The following KYNU variants were observed in gnomAD, a reference collection of about 807,000 sequenced individuals.
KYNU encodes the protein L-kynurenine hydrolase.
Under a neutral mutation model 59.2 loss-of-function variants are expected in KYNU, and 54 were observed. The observed-to-expected ratio is 0.91, with a 90% CI of 0.73 to 1.14. The LOEUF (loss-of-function observed/expected upper bound fraction) is 1.14. Ranked by LOEUF, KYNU falls within the 50% of genes most tolerant of loss-of-function variation. KYNU has a pLI of 0.00. For missense variants in KYNU, 567 were observed against 554.4 expected, an observed-to-expected ratio of 1.02 and a Z score of -0.23; for synonymous variants, 177 against 192.0, an observed-to-expected ratio of 0.92 and a Z score of 0.65.
At chr2:142,895,538 T>C (rs540813462) in intron 2 of KYNU, among the ~76,000 whole-genome samples, 13 of 152,326 alleles carry the variant, frequency 8.5e-5, no homozygotes, top group Non-Finnish European at 1.5e-4. Context: ...TAAAGGCCAT[T>C]TGAGCTGTGT....
intron 12 of KYNU, 40 bp downstream of exon 12, chr2:143,033,361 T>C (rs1686812197): frequency 4.3e-6 from 6 of 1,396,372 alleles, no homozygotes; most frequent in Middle Eastern, 3.5e-4. Flanking sequence ...ATCTTTGCGT[T>C]TTTTCTTGAT....
intron 4 of KYNU, among the ~76,000 whole-genome samples, chr2:142,946,204 C>T (rs538071562): frequency 2.6e-5 from 4 of 151,780 alleles, no homozygotes; most frequent in African/African-American, 9.7e-5. Context: ...GCCTCAGCTT[C>T]CCCCGAGTAC....
At chr2:142,898,846 C>T (rs187055771) in intron 2 of KYNU, among the ~76,000 whole-genome samples, 9 of 152,236 alleles carry the variant, frequency 5.9e-5, no homozygotes. Context: ...AGCTGTGGGT[C>T]ACGGAAGAAA....
At chr2:142,910,492 G>C (rs1461601128) in intron 2 of KYNU, among the ~76,000 whole-genome samples, 2 of 152,102 alleles carry the variant, frequency 1.3e-5, no homozygotes, top group Non-Finnish European at 2.9e-5. Flanking sequence ...GCAAGGAATA[G>C]TTTGTGAATA....
intron 4 of KYNU, among the ~76,000 whole-genome samples, chr2:142,935,999 A>T (rs1389984790): frequency 6.6e-6 from 1 of 152,138 alleles, no homozygotes; most frequent in East Asian, 1.9e-4. Flanking sequence ...TGAGAAGATG[A>T]TGACTGAGAA....
In KYNU at chr2:143,042,211, A is replaced by T; in HGVS notation, c.*39A>T. The T allele has an allele frequency of 6.3e-7, 1 of 1,594,248 alleles. No individual in the cohort carries two copies. The highest frequency in any genetic ancestry group is 8.6e-7 in the Non-Finnish European group (1 of 1,168,494). On this transcript the variant is annotated 3_prime_UTR_variant, in exon 14 of 14. Coordinates refer to ENST00000264170, the MANE Select transcript of KYNU (RefSeq NM_003937.3). The stretch of plus-strand genomic sequence containing the variant: ...AACAACTTAAGCAAATTATACTGAA[A>T]GCTGCTGTGGTTATTTCAGTATTAT...
At chr2:143,041,266 T>G (rs983039930) in intron 13 of KYNU, among the ~76,000 whole-genome samples, 1 of 152,052 alleles carries the variant, frequency 6.6e-6, no homozygotes, top group African/African-American at 2.4e-5. Context: ...CTTCCAATGA[T>G]TATGTAATTA....
intron 10 of KYNU, among the ~76,000 whole-genome samples, chr2:142,996,829 C>T (rs1355565722): frequency 1.3e-5 from 2 of 152,086 alleles, no homozygotes; most frequent in Non-Finnish European, 1.5e-5. Flanking sequence ...CTTGGTTTGC[C>T]TGTGGAAAAA....
At chr2:142,922,428 C>T (rs1457033529) in intron 3 of KYNU, among the ~76,000 whole-genome samples, 1 of 152,028 alleles carries the variant, frequency 6.6e-6, no homozygotes, top group Admixed American at 6.6e-5. Flanking sequence ...TCGCTTGAGC[C>T]TGGAATGTGG....
intron 8 of KYNU, among the ~76,000 whole-genome samples, chr2:142,979,050 C>A (rs1684976230): frequency 6.6e-6 from 1 of 151,890 alleles, no homozygotes; most frequent in Non-Finnish European, 1.5e-5. Flanking sequence ...TAGCTTTTCT[C>A]CTGGAAATTT....
chr2:142,960,688 C>T lies in KYNU; in HGVS notation c.647C>T (p.Ala216Val). 6.2e-7 allele frequency: 1 copy of T among 1,613,518 alleles called. No individual in the cohort carries two copies. The highest frequency in any genetic ancestry group is 2.2e-5 in the East Asian group (1 of 44,852). ...EVIEKEGDSI[A>V]VILFSGVHFY... ...ATTGAGAAGGAAGGAGACTCAATTGCAGTGATCCTGTTCAGTGGGGTGCAT... is the reference window on the plus strand; with the variant it reads ...ATTGAGAAGGAAGGAGACTCAATTGTAGTGATCCTGTTCAGTGGGGTGCAT... Residue 216 changes from alanine (A) to valine (V), a missense_variant, in exon 8 of 14, where the codon GCA becomes GTA. Coordinates refer to ENST00000264170, the MANE Select transcript of KYNU (RefSeq NM_003937.3).
intron 4 of KYNU, chr2:142,947,033 G>A: frequency 1.3e-6 from 2 of 1,546,718 alleles, no homozygotes; most frequent in Non-Finnish European, 1.7e-6. Context: ...TTTGTGGGCT[G>A]ATTCTCACCT....
chr2:142,913,438 A>G (rs1245269563), intron 2 of KYNU, among the ~76,000 whole-genome samples: 1 of 151,902 alleles, frequency 6.6e-6, no homozygotes, highest in African/African-American at 2.4e-5. Flanking sequence ...ATCTGCCTTA[A>G]TTTTATTGTT....
At position 143,054,628 on chromosome 2, in the gene KYNU, A is replaced by G. The variant is rs1016445169; in HGVS notation, c.*12456A>G. The stretch of plus-strand genomic sequence containing the variant: ...GACTGCACCACTCTGCAGTACAGTC[A>G]GGAAATAAGAAACCAAGTCCAATCA... On this transcript the variant is annotated 3_prime_UTR_variant, in exon 14 of 14. Transcript: ENST00000264170. The G allele has an allele frequency of 6.6e-6, 1 of 152,230 alleles. No individual in the cohort carries two copies. The highest frequency in any genetic ancestry group is 1.5e-5 in the Non-Finnish European group (1 of 68,032). 9.4% of individuals were successfully genotyped at this position (152,230 alleles called of 1,614,324 possible).
At chr2:143,008,143 G>T (rs1437933651) in intron 10 of KYNU, among the ~76,000 whole-genome samples, 1 of 111,400 alleles carries the variant, frequency 9.0e-6, no homozygotes, top group South Asian at 3.2e-4. Flanking sequence ...ACCCATCAGT[G>T]TGCTGTATTC....
chr2:143,034,935 T>C (rs948983832), intron 12 of KYNU, among the ~76,000 whole-genome samples: 17 of 152,196 alleles, frequency 1.1e-4, no homozygotes, highest in African/African-American at 4.1e-4. Context: ...AATTTCCTTT[T>C]AGACGCCTTC....
At chr2:142,934,209 T>G (rs1370081788) in intron 4 of KYNU, among the ~76,000 whole-genome samples, 2 of 152,156 alleles carry the variant, frequency 1.3e-5, no homozygotes, top group East Asian at 3.8e-4. Flanking sequence ...GGAGATGGGA[T>G]ACTGCTTCTG....
intron 10 of KYNU, among the ~76,000 whole-genome samples, chr2:142,991,371 CA>C (rs1685393294): frequency 6.6e-6 from 1 of 151,900 alleles, no homozygotes; most frequent in African/African-American, 2.4e-5. Context: ...GTCGCAGTAG[CA>C]AGATGTGTGA....
intron 2 of KYNU, among the ~76,000 whole-genome samples, chr2:142,903,593 G>A (rs1682183215): frequency 6.6e-6 from 1 of 151,818 alleles, no homozygotes; most frequent in African/African-American, 2.4e-5. Context: ...AGAAGGCCAC[G>A]CCAGTGTCCA....
Sources: gnomAD v4.1 joint callset for allele counts (sites outside exome capture counted in the v4.1 genomes callset) on GRCh38, gnomAD v4.1.1 for gene constraint, MANE v1.5 for transcripts, NCBI Gene and HGNC (gene_info 2026-07-23, HGNC 2026-07-21) for gene names.